PRORP: variants seen among roughly 807,000 people sequenced by gnomAD.
PRORP encodes the protein protein only RNase P catalytic subunit.
Under a neutral mutation model 59.4 loss-of-function variants are expected in PRORP, and 51 were observed. That is an observed-to-expected ratio of 0.86 (90% confidence interval 0.69 to 1.08). The LOEUF (loss-of-function observed/expected upper bound fraction) is 1.08. PRORP is among the 50% of genes least tolerant of loss of function. PRORP has a pLI of 0.00. For synonymous variants in PRORP, 231 were observed against 245.6 expected (o/e 0.94, Z 0.55); for missense variants, 646 against 690.3 (o/e 0.94, Z 0.72).
chr14:35,184,655 C>T (rs1287568701), intron 5 of PRORP, among the ~76,000 whole-genome samples: 1 of 152,138 alleles, frequency 6.6e-6, no homozygotes, highest in Non-Finnish European at 1.5e-5. Flanking sequence ...TTAATCTTTT[C>T]TGCTCCTCTG....
At chr14:35,132,406 C>T (rs1271969526) in intron 4 of PRORP, among the ~76,000 whole-genome samples, 2 of 151,852 alleles carry the variant, frequency 1.3e-5, no homozygotes, top group Admixed American at 1.3e-4. Context: ...TGCGGTGAGC[C>T]AAGGTCACAC....
chr14:35,138,477 T>C (rs1432308874), intron 4 of PRORP, among the ~76,000 whole-genome samples: 2 of 145,430 alleles, frequency 1.4e-5, no homozygotes, highest in Non-Finnish European at 3.1e-5. Flanking sequence ...CCTTCAATGT[T>C]GCTTTCTAAA....
At chr14:35,135,923 A>G (rs1595170174) in intron 4 of PRORP, among the ~76,000 whole-genome samples, 2 of 149,802 alleles carry the variant, frequency 1.3e-5, no homozygotes, top group East Asian at 2.0e-4. Context: ...ATGCCACTGC[A>G]CTCCAGCCTG....
chr14:35,193,597 A>G (rs1172807218), intron 5 of PRORP, among the ~76,000 whole-genome samples: 2 of 148,648 alleles, frequency 1.3e-5, no homozygotes, highest in African/African-American at 4.9e-5. Context: ...ACAATAAACT[A>G]TGCTCAGTAT....
intron 5 of PRORP, among the ~76,000 whole-genome samples, chr14:35,184,897 C>A (rs775816417): frequency 6.6e-6 from 1 of 152,114 alleles, no homozygotes; most frequent in Non-Finnish European, 1.5e-5. Context: ...TGTATATGTG[C>A]CACATTTTCT....
At chr14:35,152,608 C>T (rs1451390786) in intron 4 of PRORP, among the ~76,000 whole-genome samples, 1 of 151,588 alleles carries the variant, frequency 6.6e-6, no homozygotes, top group African/African-American at 2.4e-5. Flanking sequence ...GGGGGCTGAC[C>T]CCCCCACCTC....
chr14:35,221,541 G>A (rs2049783540), intron 5 of PRORP, among the ~76,000 whole-genome samples: 1 of 152,016 alleles, frequency 6.6e-6, no homozygotes, highest in East Asian at 1.9e-4. Context: ...TTTAAATTGT[G>A]TGCCAAAAAC....
At chr14:35,180,818 ATATT>A (rs750909383) in intron 5 of PRORP, 41 bp downstream of exon 5, 2 of 1,268,182 alleles carry the variant, frequency 1.6e-6, no homozygotes, top group African/African-American at 2.9e-5. Flanking sequence ...ATCTCTAGAA[ATATT>A]TATTATACCC....
At chr14:35,132,431 C>T (rs1431869246) in intron 4 of PRORP, among the ~76,000 whole-genome samples, 1 of 151,600 alleles carries the variant, frequency 6.6e-6, no homozygotes, top group African/African-American at 2.4e-5. Context: ...GCACTCCAGC[C>T]TGGGCAACAA....
chr14:35,220,093 C>G lies in PRORP; in HGVS notation c.1275+39316C>G, dbSNP rs375853839. On this transcript the variant is annotated intron_variant, in intron 5 of 7. Coordinates refer to ENST00000534898, the MANE Select transcript of PRORP (RefSeq NM_014672.4). ...TAACTTGATTGTATTTGAAAAGATC[C>G]TTTTCCCAAATAAGGTCACATTCAC... Among the ~76,000 whole-genome samples the G allele has an allele frequency of 1.3e-4, 20 of 152,174 alleles. No homozygotes were observed. In the East Asian group the frequency reaches 2.3e-3, roughly 18 times the overall value.
chr14:35,257,468 G>A (rs529173780), intron 5 of PRORP, among the ~76,000 whole-genome samples: 61 of 152,262 alleles, frequency 4.0e-4, no homozygotes, highest in Non-Finnish European at 6.9e-4. Context: ...GTCCTTTAGT[G>A]TCTGGCTTTT....
intron 4 of PRORP, chr14:35,158,069 A>C (rs1457216400): frequency 4.0e-6 from 1 of 252,254 alleles, no homozygotes; most frequent in African/African-American, 2.3e-5. Context: ...CTGCCATTGG[A>C]GCTCAACTTC....
At chr14:35,215,498 G>T (rs770192867) in intron 5 of PRORP, among the ~76,000 whole-genome samples, 1 of 152,100 alleles carries the variant, frequency 6.6e-6, no homozygotes, top group Non-Finnish European at 1.5e-5. Flanking sequence ...AGACAGTTTT[G>T]TCAGATGTGG....
intron 5 of PRORP, among the ~76,000 whole-genome samples, chr14:35,225,018 C>G (rs980600410): frequency 1.3e-5 from 2 of 152,152 alleles, no homozygotes; most frequent in Non-Finnish European, 2.9e-5. Context: ...ATTATTTCTA[C>G]CTATCCATGT....
chr14:35,263,626 T>C (rs1375063843), intron 5 of PRORP, among the ~76,000 whole-genome samples: 5 of 152,266 alleles, frequency 3.3e-5, no homozygotes, highest in Admixed American at 2.0e-4. Context: ...AGGCAGAGGT[T>C]GCAGTGAACT....
intron 5 of PRORP, among the ~76,000 whole-genome samples, chr14:35,249,991 T>C (rs2050574920): frequency 6.6e-6 from 1 of 152,128 alleles, no homozygotes; most frequent in South Asian, 2.1e-4. Context: ...GTCATGCCTG[T>C]AATCCCAGCA....
intron 4 of PRORP, among the ~76,000 whole-genome samples, chr14:35,155,609 G>A (rs2047895086): frequency 6.7e-6 from 1 of 148,774 alleles, no homozygotes; most frequent in Non-Finnish European, 1.5e-5. Context: ...ATGCTTTCAG[G>A]ATAGAAGTTA....
At chr14:35,222,576 C>T (rs1331662229) in intron 5 of PRORP, 1 of 152,214 alleles carries the variant, frequency 6.6e-6, no homozygotes, top group Non-Finnish European at 1.5e-5. Flanking sequence ...AAGGTCCACA[C>T]AGATAACTCT....
intron 4 of PRORP, among the ~76,000 whole-genome samples, chr14:35,150,370 C>A (rs1338990884): frequency 6.6e-6 from 1 of 152,150 alleles, no homozygotes; most frequent in African/African-American, 2.4e-5. Flanking sequence ...AGAAGTCACA[C>A]AACATTTATT....
Sources: gnomAD v4.1 joint callset for allele counts (sites outside exome capture counted in the v4.1 genomes callset) on GRCh38, gnomAD v4.1.1 for gene constraint, MANE v1.5 for transcripts, NCBI Gene and HGNC (gene_info 2026-07-23, HGNC 2026-07-21) for gene names.